The following CMIP variants were observed in gnomAD, a reference collection of about 807,000 sequenced individuals.
CMIP encodes the protein c-Maf inducing protein.
In CMIP, 13 loss-of-function variants were observed where a neutral mutation model predicts 97.3. The observed-to-expected ratio is 0.13, with a 90% CI of 0.09 to 0.21. The LOEUF (loss-of-function observed/expected upper bound fraction) is 0.21, where lower values mean the gene tolerates loss of function less well. Among genes scored for constraint, CMIP ranks in the 10% least tolerant of loss-of-function variants. The pLI is 1.00. For synonymous variants in CMIP, 538 were observed against 436.3 expected (o/e 1.23, Z -2.91); for missense variants, 847 against 1,024.9 (o/e 0.83, Z 2.37).
chr16:81,561,991 T>TC (rs1201627028), intron 1 of CMIP, among the ~76,000 whole-genome samples: 1 of 152,034 alleles, frequency 6.6e-6, no homozygotes, highest in African/African-American at 2.4e-5. Flanking sequence ...GATAAATACC[T>TC]CGGGCAGAGG....
rs1355415845 is a variant in CMIP, at chr16:81,655,752, G to T, written c.640-2023G>T. On this transcript the variant is annotated intron_variant, in intron 4 of 20. Transcript: ENST00000537098. This position sits in a 1 kb window ranked among gnomAD's most constrained non-coding sequence, Gnocchi z 4.9. ...CTGTAGCTCAGTGGCAGGAAATATA[G>T]ACTTTAGAGTAAGGACAGACGGGTT... 6.6e-6 allele frequency among the ~76,000 whole-genome samples: 1 copy of T among 152,198 alleles called. No individual in the cohort carries two copies. Among genetic ancestry groups the T allele is most frequent in the Non-Finnish European group, 1.5e-5 (1 of 68,044 alleles).
chr16:81,501,398 C>T (rs1462857277), intron 1 of CMIP, among the ~76,000 whole-genome samples: 1 of 152,202 alleles, frequency 6.6e-6, no homozygotes, highest in East Asian at 1.9e-4. Context: ...GGAGCTCTGG[C>T]AGTGCCCTGT....
intron 1 of CMIP, among the ~76,000 whole-genome samples, chr16:81,468,972 G>A (rs1907368080): frequency 1.3e-5 from 2 of 152,206 alleles, no homozygotes; most frequent in African/African-American, 2.4e-5. Flanking sequence ...CATGGAAGCC[G>A]AATTACAGGA....
chr16:81,539,185 G>C (rs2090401892), intron 1 of CMIP, among the ~76,000 whole-genome samples: 1 of 152,188 alleles, frequency 6.6e-6, no homozygotes, highest in African/African-American at 2.4e-5. Flanking sequence ...CCTCCTGTGA[G>C]AAAGAAATGC....
intron 1 of CMIP, among the ~76,000 whole-genome samples, chr16:81,494,474 C>T (rs1023333773): frequency 7.9e-5 from 12 of 152,204 alleles, no homozygotes; most frequent in African/African-American, 2.9e-4. Context: ...CTCTAGAGCT[C>T]TCCAGGGACG....
intron 1 of CMIP, among the ~76,000 whole-genome samples, chr16:81,584,545 G>A (rs554599683): frequency 5.9e-5 from 9 of 152,206 alleles, no homozygotes; most frequent in Non-Finnish European, 1.3e-4. Flanking sequence ...AGTGGTCAGA[G>A]TAGTCTGTGA....
chr16:81,507,997 A>T (rs537475993), intron 1 of CMIP, among the ~76,000 whole-genome samples: 2 of 152,332 alleles, frequency 1.3e-5, no homozygotes, highest in Admixed American at 6.5e-5. Context: ...AGTAGAGCCC[A>T]CTTGGGCAAT....
At chr16:81,574,730 C>A (rs1037075265) in intron 1 of CMIP, among the ~76,000 whole-genome samples, 16 of 152,082 alleles carry the variant, frequency 1.1e-4, no homozygotes, top group African/African-American at 2.9e-4. Flanking sequence ...ACAGTGGTGG[C>A]CTCTGTGGAC....
chr16:81,559,377 T>A (rs745671376), intron 1 of CMIP, among the ~76,000 whole-genome samples: 6 of 152,330 alleles, frequency 3.9e-5, no homozygotes, highest in South Asian at 2.1e-4. Flanking sequence ...TGAAAGCCTC[T>A]TGTGTTTCTG....
chr16:81,563,557 C>T (rs1232415541), intron 1 of CMIP, among the ~76,000 whole-genome samples: 1 of 152,180 alleles, frequency 6.6e-6, no homozygotes, highest in African/African-American at 2.4e-5. Context: ...GTTTACAAAA[C>T]CCCCAGGCGA....
At chr16:81,694,187 G>T (rs1906434719) in intron 13 of CMIP, among the ~76,000 whole-genome samples, 1 of 152,206 alleles carries the variant, frequency 6.6e-6, no homozygotes, top group Non-Finnish European at 1.5e-5. Context: ...ACTGAGGCAA[G>T]ATTCGAGCCT....
chr16:81,678,271 C>T lies in CMIP; in HGVS notation c.1035-4C>T, dbSNP rs1298598346. On this transcript the variant is annotated splice_polypyrimidine_tract_variant and splice_region_variant and intron_variant, in intron 9 of 20. Transcript: ENST00000537098. ...CATGTGCCCTCTCCCGCCTCTTCCCCCAGCCGCGACAATTCCCCAAGCCTG... is the reference window on the plus strand; with the variant it reads ...CATGTGCCCTCTCCCGCCTCTTCCCTCAGCCGCGACAATTCCCCAAGCCTG... 4 of 1,580,956 alleles carry T rather than the reference C, an allele frequency of 2.5e-6. No individual in the cohort carries two copies. In the South Asian group the frequency reaches 4.6e-5, roughly 18 times the overall value.
intron 3 of CMIP, among the ~76,000 whole-genome samples, chr16:81,622,581 C>T (rs2092007054): frequency 6.6e-6 from 1 of 152,106 alleles, no homozygotes; most frequent in African/African-American, 2.4e-5. Flanking sequence ...GACAGCCTTG[C>T]ATTTTCTCTT....
At chr16:81,450,022 G>T (rs777326434) in intron 1 of CMIP, among the ~76,000 whole-genome samples, 26 of 152,224 alleles carry the variant, frequency 1.7e-4, no homozygotes, top group Non-Finnish European at 3.8e-4. Context: ...GCTGGCTTGG[G>T]CTGCTTGGCC....
chr16:81,515,481 C>G (rs1397730067), intron 1 of CMIP, among the ~76,000 whole-genome samples: 1 of 152,160 alleles, frequency 6.6e-6, no homozygotes, highest in African/African-American at 2.4e-5. Flanking sequence ...TTTCAGAGAA[C>G]GCACTATTGA....
intron 1 of CMIP, among the ~76,000 whole-genome samples, chr16:81,496,323 C>T (rs1273520951): frequency 2.0e-5 from 3 of 152,146 alleles, no homozygotes; most frequent in Non-Finnish European, 2.9e-5. Context: ...GTGAACAAAA[C>T]AGACCCCCTT....
intron 13 of CMIP, among the ~76,000 whole-genome samples, chr16:81,694,264 G>A (rs1906445694): frequency 6.6e-6 from 1 of 152,212 alleles, no homozygotes; most frequent in Admixed American, 6.5e-5. Context: ...GCTTCTCTGT[G>A]TGCATGAGTT....
intron 1 of CMIP, among the ~76,000 whole-genome samples, chr16:81,445,750 C>T (rs56361047): frequency 0.19 from 28,473 of 151,932 alleles, 2,993 homozygotes; most frequent in East Asian, 0.37. Context: ...CGACCGGGCT[C>T]AGGAGAGACC....
chr16:81,572,817 G>C (rs917986886), intron 1 of CMIP, among the ~76,000 whole-genome samples: 1 of 152,090 alleles, frequency 6.6e-6, no homozygotes. Flanking sequence ...ATCGAGCTTG[G>C]TGCCCACCCT....
Sources: gnomAD v4.1 joint callset for allele counts (sites outside exome capture counted in the v4.1 genomes callset) on GRCh38, gnomAD v4.1.1 for gene constraint, Gnocchi (gnomAD v3.1) non-coding constraint, MANE v1.5 for transcripts, NCBI Gene and HGNC (gene_info 2026-07-23, HGNC 2026-07-21) for gene names.